Variants in GLG1 observed in about 807,000 individuals in gnomAD.
GLG1 encodes golgi glycoprotein 1.
Under a neutral mutation model 160.5 loss-of-function variants are expected in GLG1, and 38 were observed. That is an observed-to-expected ratio of 0.24 (90% CI 0.18 to 0.31). The LOEUF (loss-of-function observed/expected upper bound fraction) is 0.31. GLG1 is among the 10% of genes least tolerant of loss of function. The pLI is 1.00. For missense variants in GLG1, 1,373 were observed against 1,505.2 expected, an observed-to-expected ratio of 0.91 and a Z score of 1.45; for synonymous variants, 644 against 543.4, an observed-to-expected ratio of 1.19 and a Z score of -2.57.
In GLG1 at chr16:74,453,623, C is replaced by T. The variant is rs545508739; in HGVS notation, c.3373-289G>A. Among the ~76,000 whole-genome samples the T allele has an allele frequency of 1.2e-3, 184 of 152,284 alleles. 1 individual carries two copies. The highest frequency in any genetic ancestry group is 4.1e-3 in the African/African-American group (170 of 41,566). ...TAACACCAGGACACTGAAGATGTGT[C>T]GGGCCCTGGACGAAGGGCTCCCCCT... On this transcript the variant is annotated intron_variant, in intron 25 of 25. Coordinates refer to ENST00000422840, the MANE Select transcript of GLG1 (RefSeq NM_001145667.2).
intron 2 of GLG1, among the ~76,000 whole-genome samples, chr16:74,517,862 C>CA (rs1306586030): frequency 1.3e-5 from 2 of 152,126 alleles, no homozygotes; most frequent in African/African-American, 4.8e-5. Flanking sequence ...TCTCAGGATA[C>CA]AAAATCAGTG....
At chr16:74,546,942 C>A (rs2018065425) in intron 1 of GLG1, among the ~76,000 whole-genome samples, 2 of 151,842 alleles carry the variant, frequency 1.3e-5, no homozygotes, top group Non-Finnish European at 2.9e-5. Context: ...GCCTTCCTTC[C>A]CCAAAGGCTT....
At chr16:74,556,709 A>C (rs1391308561) in intron 1 of GLG1, among the ~76,000 whole-genome samples, 1 of 149,200 alleles carries the variant, frequency 6.7e-6, no homozygotes, top group Non-Finnish European at 1.5e-5. Flanking sequence ...TTATATATAC[A>C]TAATTTTGAG....
intron 2 of GLG1, among the ~76,000 whole-genome samples, chr16:74,522,217 C>G (rs2017186769): frequency 2.0e-5 from 3 of 152,354 alleles, no homozygotes; most frequent in African/African-American, 7.2e-5. Flanking sequence ...ACTCATAGGG[C>G]TGTTGCGAGC....
At chr16:74,536,894 T>C (rs1210448675) in intron 1 of GLG1, among the ~76,000 whole-genome samples, 2 of 152,186 alleles carry the variant, frequency 1.3e-5, no homozygotes, top group African/African-American at 4.8e-5. Flanking sequence ...TGCTGGCTCC[T>C]AGCCTGTGGA....
intron 1 of GLG1, among the ~76,000 whole-genome samples, chr16:74,569,222 G>T (rs556709407): frequency 4.6e-5 from 7 of 152,196 alleles, no homozygotes; most frequent in Non-Finnish European, 1.0e-4. Context: ...AGAAAACCTC[G>T]AACTGTGAGA....
intron 8 of GLG1, among the ~76,000 whole-genome samples, chr16:74,489,146 T>C (rs1041690981): frequency 3.9e-5 from 6 of 152,128 alleles, no homozygotes; most frequent in African/African-American, 1.4e-4. Context: ...CTTTTTTCTG[T>C]ATCCCTTACT....
At position 74,496,561 on chromosome 16, in the gene GLG1, T is replaced by C; in HGVS notation, c.858A>G (p.Gln286=). Reference sequence around the variant, plus strand: ...TGGCTTTCTTGCAGAGTTCAGAAACTTGAATCTTGGGTTCTCTTTCTTCTG... The same window carrying C: ...TGGCTTTCTTGCAGAGTTCAGAAACCTGAATCTTGGGTTCTCTTTCTTCTG... The part of the protein sequence containing the change: ...KEAEEREPKI[Q]VSELCKKAIL... Residue 286 remains glutamine, a synonymous_variant, in exon 5 of 26, where the codon CAA becomes CAG. Transcript: ENST00000422840. The C allele has an allele frequency of 6.2e-7, 1 of 1,613,560 alleles. No individual in the cohort carries two copies. Among genetic ancestry groups the C allele is most frequent in the Non-Finnish European group, 8.5e-7 (1 of 1,179,522 alleles).
At chr16:74,479,051 C>CAAGAAAAAAAAAA (rs2015499753) in intron 11 of GLG1, among the ~76,000 whole-genome samples, 1 of 17,572 alleles carries the variant, frequency 5.7e-5, no homozygotes, top group African/African-American at 3.1e-4. Context: ...ATTAAAAATC[C>CAAGAAAAAAAAAA]AAAAAAAAAA....
chr16:74,606,842 G>A lies in GLG1; in HGVS notation c.253C>T (p.Pro85Ser). ...GGGAAAGGCGGCTGCGGCGGCTGAG[G>A]CTGCTGTTGCTGTTGCTGCTGCTGC... is the stretch of plus-strand genomic sequence containing the variant. The part of the protein sequence containing the change: ...QQQQQQQQQQ[P>S]QPPQPPFPAG... The change falls in exon 1 of 26, where the codon CCT becomes TCT. Residue 85 changes from proline (P) to serine (S), a missense_variant. Physicochemically the swap from Pro to Ser is moderately conservative, Grantham distance 74 (BLOSUM62 -1). Coordinates refer to ENST00000422840, the MANE Select transcript of GLG1 (RefSeq NM_001145667.2). 7 of 1,598,362 alleles carry A rather than the reference G, an allele frequency of 4.4e-6. No individual in the cohort carries two copies. The highest frequency in any genetic ancestry group is 5.1e-6 in the Non-Finnish European group (6 of 1,173,116).
intron 1 of GLG1, among the ~76,000 whole-genome samples, chr16:74,567,480 C>T (rs976561995): frequency 6.6e-6 from 1 of 151,148 alleles, no homozygotes; most frequent in African/African-American, 2.4e-5. Context: ...ATTTGGGTCA[C>T]GTCAGAAGTA....
At chr16:74,561,307 A>G (rs1050197301) in intron 1 of GLG1, among the ~76,000 whole-genome samples, 2 of 152,230 alleles carry the variant, frequency 1.3e-5, no homozygotes, top group African/African-American at 4.8e-5. Context: ...GTCTTTAACC[A>G]TGATCATTTT....
chr16:74,538,165 T>C (rs1163071769), intron 1 of GLG1, among the ~76,000 whole-genome samples: 1 of 149,520 alleles, frequency 6.7e-6, no homozygotes, highest in Non-Finnish European at 1.5e-5. Context: ...AACTTTGTTT[T>C]TGAATCCCTC....
chr16:74,465,280 C>T (rs974816359), intron 19 of GLG1, among the ~76,000 whole-genome samples: 3 of 152,174 alleles, frequency 2.0e-5, no homozygotes, highest in African/African-American at 7.2e-5. Flanking sequence ...CTGAATGTGC[C>T]AGATGGATGA....
At chr16:74,493,395 C>G (rs1033502863) in intron 6 of GLG1, among the ~76,000 whole-genome samples, 5 of 152,158 alleles carry the variant, frequency 3.3e-5, no homozygotes, top group Non-Finnish European at 4.4e-5. Flanking sequence ...AGCAGCTATC[C>G]AAAACATGTA....
At chr16:74,481,943 C>T (rs1361483023) in intron 10 of GLG1, among the ~76,000 whole-genome samples, 1 of 152,082 alleles carries the variant, frequency 6.6e-6, no homozygotes, top group Admixed American at 6.6e-5. Context: ...GCACCACCTA[C>T]GCCCGGCTAA....
chr16:74,553,695 G>A lies in GLG1; in HGVS notation c.439-21542C>T, dbSNP rs181290734. 9.8e-3 allele frequency among the ~76,000 whole-genome samples: 1,487 copies of A among 152,042 alleles called. 40 individuals carry two copies. The highest frequency in any genetic ancestry group is 0.034 in the African/African-American group (1,407 of 41,480). ...TCACCATGTTAGCCAGGATGGTCTC[G>A]ATCTCCTGACCTCGTGATCCACCCG... On this transcript the variant is annotated intron_variant, in intron 1 of 25. Coordinates refer to ENST00000422840, the MANE Select transcript of GLG1 (RefSeq NM_001145667.2).
At chr16:74,548,109 AAGTCAAT>A (rs1470983268) in intron 1 of GLG1, among the ~76,000 whole-genome samples, 1 of 152,134 alleles carries the variant, frequency 6.6e-6, no homozygotes, top group Non-Finnish European at 1.5e-5. Context: ...TTTTTTTGTA[AAGTCAAT>A]AGTCAATATC....
intron 14 of GLG1, 50 bp downstream of exon 14, chr16:74,472,299 C>T (rs1454866195): frequency 1.7e-5 from 21 of 1,227,368 alleles, no homozygotes; most frequent in Non-Finnish European, 2.4e-5. Context: ...GGGAGAGTCC[C>T]TGTCAATTTG....
Sources: gnomAD v4.1 joint callset for allele counts (sites outside exome capture counted in the v4.1 genomes callset) on GRCh38, gnomAD v4.1.1 for gene constraint, MANE v1.5 for transcripts, NCBI Gene and HGNC (gene_info 2026-07-23, HGNC 2026-07-21) for gene names.